MAP3K1: variants seen among roughly 807,000 people sequenced by gnomAD.
MAP3K1 encodes the protein mitogen-activated protein kinase kinase kinase 1, also known as MAP/ERK kinase kinase 1.
In MAP3K1, 36 loss-of-function variants were observed where a neutral mutation model predicts 144.2. The observed-to-expected ratio is 0.25, with a 90% CI of 0.19 to 0.33. The LOEUF (loss-of-function observed/expected upper bound fraction) is 0.33. Among genes scored for constraint, MAP3K1 ranks in the 10% least tolerant of loss-of-function variants. The probability of loss-of-function intolerance (pLI) is 1.00; values close to 1 mark genes in which losing one functional copy is unlikely to be tolerated. For synonymous variants in MAP3K1, 718 were observed against 688.7 expected (o/e 1.04, Z -0.67); for missense variants, 1,650 against 1,881.9 (o/e 0.88, Z 2.28).
chr5:56,845,851 A>G (rs553111380), intron 1 of MAP3K1, among the ~76,000 whole-genome samples: 1 of 152,204 alleles, frequency 6.6e-6, no homozygotes, highest in Non-Finnish European at 1.5e-5. Context: ...TTGGAAAGGA[A>G]CAAGTGGGAA....
intron 1 of MAP3K1, among the ~76,000 whole-genome samples, chr5:56,847,021 A>G (rs1275676945): frequency 6.6e-6 from 1 of 152,228 alleles, no homozygotes; most frequent in African/African-American, 2.4e-5. Flanking sequence ...TGAGTGTGCC[A>G]AAGAAACACC....
chr5:56,855,087 C>T (rs1747297116), intron 1 of MAP3K1, among the ~76,000 whole-genome samples: 1 of 152,040 alleles, frequency 6.6e-6, no homozygotes, highest in African/African-American at 2.4e-5. Flanking sequence ...TTCTTCACCC[C>T]TACCTCTCTT....
rs1168536980 is a variant in MAP3K1, at chr5:56,895,652, G to GCT, written c.*1973_*1974dup. 1 of 232,418 alleles carries GCT rather than the reference G, an allele frequency of 4.3e-6. No individual in the cohort carries two copies. Among genetic ancestry groups the GCT allele is most frequent in the African/African-American group, 2.2e-5 (1 of 45,316 alleles). The allele number at this position is 232,418 out of a possible 1,614,324, so 14.4% of individuals were successfully genotyped here. A position where few individuals can be genotyped will look rare whatever the true frequency, so the allele number is the denominator to read the frequency against. Reference sequence around the variant, plus strand: ...AGTTTGTTTGCAGTTCCCTCAGCTTGCTGGTAATTGTGGTGTTTTGTTTTT... The same window carrying GCT: ...AGTTTGTTTGCAGTTCCCTCAGCTTGCTCTGGTAATTGTGGTGTTTTGTTTTT... On this transcript the variant is annotated 3_prime_UTR_variant, in exon 20 of 20. Coordinates refer to ENST00000399503, the MANE Select transcript of MAP3K1 (RefSeq NM_005921.2).
intron 1 of MAP3K1, among the ~76,000 whole-genome samples, chr5:56,848,500 C>T (rs989613199): frequency 2.6e-5 from 4 of 152,150 alleles, no homozygotes; most frequent in Admixed American, 1.3e-4. Flanking sequence ...TGCTTTGTTC[C>T]TAGCTGCAGG....
intron 1 of MAP3K1, among the ~76,000 whole-genome samples, chr5:56,852,710 G>C (rs1747212437): frequency 6.6e-6 from 1 of 152,044 alleles, no homozygotes. Context: ...AAATAGGTAT[G>C]TTTCTGGGTA....
Position 56,883,482 on chromosome 5 carries a change from C to G in MAP3K1, c.3667-45C>G, listed in dbSNP as rs1232864283. 3 of 1,590,648 alleles carry G rather than the reference C, an allele frequency of 1.9e-6. No individual in the cohort carries two copies. In the African/African-American group the frequency reaches 4.0e-5, roughly 21 times the overall value. On this transcript the variant is annotated intron_variant, in intron 14 of 19. Transcript: ENST00000399503. The stretch of plus-strand genomic sequence containing the variant: ...ATCTTGCAGACTAATTTCACAAAAT[C>G]TTACTCCTTTAACAGTAAAAAGATT...
At chr5:56,853,628 G>C (rs890167416) in intron 1 of MAP3K1, among the ~76,000 whole-genome samples, 24 of 152,314 alleles carry the variant, frequency 1.6e-4, no homozygotes, top group African/African-American at 5.8e-4. Context: ...AAAAATACAA[G>C]TGCTGTGAAA....
intron 18 of MAP3K1, chr5:56,887,896 A>G (rs1748433344): frequency 1.6e-5 from 7 of 438,086 alleles, no homozygotes; most frequent in South Asian, 1.4e-4. Flanking sequence ...GAGTTTAAGC[A>G]TTGTTCTTCT....
chr5:56,816,448 A>G (rs1172610411), intron 1 of MAP3K1, among the ~76,000 whole-genome samples: 6 of 151,968 alleles, frequency 3.9e-5, no homozygotes, highest in African/African-American at 1.4e-4. Context: ...TCCCCGGGGC[A>G]AAGGCACTGG....
intron 3 of MAP3K1, among the ~76,000 whole-genome samples, chr5:56,864,205 C>T (rs1377678221): frequency 6.6e-6 from 1 of 152,050 alleles, no homozygotes; most frequent in Non-Finnish European, 1.5e-5. Flanking sequence ...TCTCTCTCAG[C>T]CAGATATTTA....
At chr5:56,851,490 CAG>C (rs971742198) in intron 1 of MAP3K1, among the ~76,000 whole-genome samples, 1 of 152,188 alleles carries the variant, frequency 6.6e-6, no homozygotes, top group African/African-American at 2.4e-5. Flanking sequence ...AACAGCTTAT[CAG>C]GGGACCCGTG....
intron 19 of MAP3K1, 36 bp from the exon 20 acceptor site, chr5:56,893,495 T>C (rs746362100): frequency 1.2e-6 from 2 of 1,610,390 alleles, no homozygotes; most frequent in South Asian, 1.1e-5. Flanking sequence ...GAAGTTACAG[T>C]TGTGCAAAGC....
At chr5:56,886,087 C>T (rs1274935332) in intron 17 of MAP3K1, 24 bp downstream of exon 17, 1 of 1,594,642 alleles carries the variant, frequency 6.3e-7, no homozygotes, top group African/African-American at 1.3e-5. Flanking sequence ...TAATTATTAT[C>T]TAGTGACAAT....
chr5:56,891,632 G>A (rs964832373), intron 19 of MAP3K1, among the ~76,000 whole-genome samples: 4 of 152,158 alleles, frequency 2.6e-5, no homozygotes, highest in Admixed American at 1.3e-4. Context: ...GTCCTGAATG[G>A]TATTGCCTAG....
At chr5:56,873,120 C>T in intron 9 of MAP3K1, 115 bp downstream of exon 9, 1 of 911,704 alleles carries the variant, frequency 1.1e-6, no homozygotes, top group East Asian at 2.6e-5. Context: ...TTGCCTCCAT[C>T]ATGACCTTCA....
Position 56,880,763 on chromosome 5 carries a change from G to C in MAP3K1, c.2140G>C (p.Ala714Pro), listed in dbSNP as rs1193802558. 1.2e-6 allele frequency: 2 copies of C among 1,613,658 alleles called. No homozygotes were observed. The highest frequency in any genetic ancestry group is 2.7e-5 in the African/African-American group (2 of 74,900). ...STLLELCKGQ[A>P]GELAVGREIL... ...ACTGTTGGAACTGTGCAAAGGCCAA[G>C]CAGGAGAGTTGGCAGTTGGCAGAGA... Residue 714 changes from alanine (A) to proline (P), a missense_variant, in exon 12 of 20, where the codon GCA becomes CCA. Ala to Pro is a conservative substitution (Grantham distance 27). Transcript: ENST00000399503.
In MAP3K1 at chr5:56,849,413, T is replaced by TG. The variant is rs1396910463; in HGVS notation, c.483-7181dup. Among the ~76,000 whole-genome samples, 11 of 151,734 alleles carry TG rather than the reference T, an allele frequency of 7.2e-5. No individual in the cohort carries two copies. The East Asian group carries it at 1.9e-3, about 27-fold the overall frequency. ...TGCTAAAGAGAGGATATTTACCCTA[T>TG]GGGGGGATAAAAGTAGTAGTGCCTG... is the stretch of plus-strand genomic sequence containing the variant. On this transcript the variant is annotated intron_variant, in intron 1 of 19. Transcript: ENST00000399503.
At position 56,881,647 on chromosome 5, in the gene MAP3K1, C is replaced by A; in HGVS notation, c.2447C>A (p.Ser816Tyr). ...TCCCACTCAATGGTTGGCAAACTTT[C>A]CAGAAGGATCTACTTGAGTTCTGCA... ...DNSHSMVGKL[S>Y]RRIYLSSARM... Residue 816 changes from serine to tyrosine, a missense_variant, in exon 14 of 20, where the codon TCC (serine) becomes TAC (tyrosine). By Grantham distance (144) the Ser-to-Tyr change is moderately radical. Around this residue, in one of 6 missense-constraint regions of MAP3K1, gnomAD observed 841 missense variants for 886.5 expected, o/e 0.95. Coordinates refer to ENST00000399503, the MANE Select transcript of MAP3K1 (RefSeq NM_005921.2). 6.2e-7 allele frequency: 1 copy of A among 1,613,992 alleles called. No homozygotes were observed. Among genetic ancestry groups the A allele is most frequent in the Non-Finnish European group, 8.5e-7 (1 of 1,179,950 alleles).
intron 1 of MAP3K1, among the ~76,000 whole-genome samples, chr5:56,833,023 C>A (rs180774848): frequency 1.9e-4 from 29 of 152,282 alleles, no homozygotes; most frequent in African/African-American, 7.0e-4. Flanking sequence ...AGGCATGCAT[C>A]ACCGCACCCA....
Sources: gnomAD v4.1 joint callset for allele counts (sites outside exome capture counted in the v4.1 genomes callset) on GRCh38, gnomAD v4.1.1 for gene constraint, gnomAD v4.1.1 regional missense constraint, MANE v1.5 for transcripts, NCBI Gene and HGNC (gene_info 2026-07-23, HGNC 2026-07-21) for gene names.